The following FBN1 variants were observed in gnomAD, a reference collection of about 807,000 sequenced individuals.
FBN1 encodes fibrillin-1.
In FBN1, 29 loss-of-function variants were observed where a neutral mutation model predicts 365.1. The observed-to-expected ratio is 0.08, with a 90% CI of 0.06 to 0.11. The LOEUF is 0.11. Ranked by LOEUF, FBN1 falls within the 10% of genes least tolerant of loss-of-function variation. The pLI is 1.00. For missense variants in FBN1, 2,476 were observed against 3,703.2 expected (o/e 0.67, Z 8.60); for synonymous variants, 1,210 against 1,270.5 (o/e 0.95, Z 1.01).
At position 48,432,875 on chromosome 15, in the gene FBN1, T is replaced by A; in HGVS notation, c.6730A>T (p.Met2244Leu). Residue 2244 changes from methionine (M) to leucine (L), a missense_variant, in exon 55 of 66, where the codon ATG (methionine) becomes TTG (leucine). Transcript: ENST00000316623. ...GAACACGATGACTCACCTTTGCACATCCTACGGTCTTCTCTGAGCACATAT... is the reference window on the plus strand; with the variant it reads ...GAACACGATGACTCACCTTTGCACAACCTACGGTCTTCTCTGAGCACATAT... ...VGYVLREDRR[M>L]CKDEDECEEG... The A allele has an allele frequency of 1.2e-6, 2 of 1,613,614 alleles. No individual in the cohort carries two copies. Among genetic ancestry groups the A allele is most frequent in the Non-Finnish European group, 1.7e-6 (2 of 1,179,618 alleles).
Position 48,537,681 on chromosome 15 carries a change from C to A in FBN1, c.666G>T (p.Glu222Asp). 8 of 1,614,218 alleles carry A rather than the reference C, an allele frequency of 5.0e-6. No individual in the cohort carries two copies. Among genetic ancestry groups the A allele is most frequent in the Non-Finnish European group, 6.8e-6 (8 of 1,180,034 alleles). ...TVGRAWGHPC[E>D]MCPAQPHPCR... is the part of the protein sequence containing the mutation. Reference sequence around the variant, plus strand: ...AGGGGTGAGGCTGGGCAGGACACATCTCACAGGGGTGGCCCCAGGCTCGGC... The same window carrying A: ...AGGGGTGAGGCTGGGCAGGACACATATCACAGGGGTGGCCCCAGGCTCGGC... Residue 222 changes from glutamate (E) to aspartate (D), a missense_variant, in exon 7 of 66, where the codon GAG (glutamate) becomes GAT (aspartate). Physicochemically the swap from Glu to Asp is conservative, Grantham distance 45. This residue lies in a region of FBN1 where 421 missense variants were observed against 520.1 expected (regional missense o/e 0.81). Transcript: ENST00000316623.
intron 63 of FBN1, among the ~76,000 whole-genome samples, chr15:48,416,489 C>A (rs1331626023): frequency 6.6e-6 from 1 of 152,128 alleles, no homozygotes; most frequent in African/African-American, 2.4e-5. Flanking sequence ...GTGTCTGAGC[C>A]CTGTCTAAAA....
At chr15:48,516,433 T>C (rs538510465) in intron 10 of FBN1, 71 bp from the exon 11 acceptor site, 4 of 1,457,292 alleles carry the variant, frequency 2.7e-6, no homozygotes, top group South Asian at 2.3e-5. Context: ...ACAGAAGTCA[T>C]CCTTATTTTT....
intron 2 of FBN1, among the ~76,000 whole-genome samples, chr15:48,613,504 A>T (rs568058261): frequency 5.9e-5 from 9 of 152,184 alleles, no homozygotes; most frequent in East Asian, 3.9e-4. Flanking sequence ...ATATATATAT[A>T]TTTTCCTACG....
Position 48,427,547 on chromosome 15 carries a change from T to C in FBN1, c.7204+20A>G, listed in dbSNP as rs752123090. On this transcript the variant is annotated intron_variant, in intron 58 of 65. Transcript: ENST00000316623. ...ATAAATAGATTCCCTGCAAGTATTT[T>C]TGGACTATAAATGAAGTACCTGCTC... 2.7e-5 allele frequency: 44 copies of C among 1,607,766 alleles called. No homozygotes were observed. The highest frequency in any genetic ancestry group is 3.6e-5 in the Non-Finnish European group (42 of 1,174,532).
chr15:48,530,860 T>C (rs550193061), intron 8 of FBN1, among the ~76,000 whole-genome samples: 10 of 152,354 alleles, frequency 6.6e-5, no homozygotes, highest in Middle Eastern at 3.4e-3. Context: ...AGTGCTATTA[T>C]AATTGCTAAA....
chr15:48,605,107 T>G (rs2140725886), intron 4 of FBN1, among the ~76,000 whole-genome samples: 1 of 152,340 alleles, frequency 6.6e-6, no homozygotes, highest in Non-Finnish European at 1.5e-5. Context: ...ACAGGTTTGA[T>G]GCAATTCCTA....
At chr15:48,567,689 T>G (rs1212025010) in intron 6 of FBN1, among the ~76,000 whole-genome samples, 1 of 152,112 alleles carries the variant, frequency 6.6e-6, no homozygotes, top group Admixed American at 6.6e-5. Context: ...TACACCATAT[T>G]AATAGAATAA....
At chr15:48,425,562 C>G in intron 59 of FBN1, 71 bp from the exon 60 acceptor site, 3 of 1,603,608 alleles carry the variant, frequency 1.9e-6, no homozygotes, top group South Asian at 1.1e-5. Flanking sequence ...TCCACAGGGT[C>G]TAACGAAGAA....
Position 48,505,282 on chromosome 15 carries a change from A to T in FBN1, c.1838-135T>A, listed in dbSNP as rs1451175540. ...TGCAGCATCAGCAACAAAAGCTCAA[A>T]TGGCATTCTCATTTTCCTTTGAAAG... On this transcript the variant is annotated intron_variant, in intron 15 of 65. Coordinates refer to ENST00000316623, the MANE Select transcript of FBN1 (RefSeq NM_000138.5). The T allele has an allele frequency of 3.3e-5, 33 of 1,008,756 alleles. 1 individual carries two copies. Among genetic ancestry groups the T allele is most frequent in the Non-Finnish European group, 4.7e-5 (31 of 661,574 alleles). The allele number at this position is 1,008,756 out of a possible 1,614,324, so 62.5% of individuals were successfully genotyped here. A position where few individuals can be genotyped will look rare whatever the true frequency, so the allele number is the denominator to read the frequency against.
intron 2 of FBN1, among the ~76,000 whole-genome samples, chr15:48,625,130 CA>C (rs1889851451): frequency 6.6e-6 from 1 of 152,142 alleles, no homozygotes; most frequent in Admixed American, 6.5e-5. Context: ...CCCCAATTGA[CA>C]AACAGGTAGA....
chr15:48,461,590 T>C (rs1566902911), intron 42 of FBN1, among the ~76,000 whole-genome samples: 1 of 152,182 alleles, frequency 6.6e-6, no homozygotes, highest in Non-Finnish European at 1.5e-5. Flanking sequence ...GACTTTTACA[T>C]ATAAATGCAC....
At chr15:48,503,966 A>C in intron 16 of FBN1, 27 bp from the exon 17 acceptor site, 3 of 1,613,670 alleles carry the variant, frequency 1.9e-6, no homozygotes, top group Non-Finnish European at 2.5e-6. Context: ...ATCTGTCATC[A>C]CACTGTCACT....
At chr15:48,432,641 G>A (rs2043032321) in intron 55 of FBN1, among the ~76,000 whole-genome samples, 1 of 152,106 alleles carries the variant, frequency 6.6e-6, no homozygotes, top group African/African-American at 2.4e-5. Context: ...AGCATGCGAT[G>A]CACAGTGAGA....
chr15:48,630,849 C>T (rs1799945460), intron 2 of FBN1, among the ~76,000 whole-genome samples: 1 of 151,964 alleles, frequency 6.6e-6, no homozygotes, highest in South Asian at 2.1e-4. Flanking sequence ...ATTTACCCCA[C>T]GGGGATGAGA....
intron 6 of FBN1, among the ~76,000 whole-genome samples, chr15:48,568,010 A>AAAGG (rs2140666157): frequency 9.7e-6 from 1 of 103,444 alleles, no homozygotes; most frequent in African/African-American, 4.8e-5. Context: ...AGAAAGAAAG[A>AAAGG]AAGAAAGAAA....
chr15:48,629,993 C>G (rs994033111), intron 2 of FBN1, among the ~76,000 whole-genome samples: 2 of 152,180 alleles, frequency 1.3e-5, no homozygotes, highest in Non-Finnish European at 2.9e-5. Flanking sequence ...AAATCAGTGG[C>G]AAGAACTAAC....
chr15:48,539,781 CTGTT>C (rs1433546655), intron 6 of FBN1, among the ~76,000 whole-genome samples: 1 of 151,638 alleles, frequency 6.6e-6, no homozygotes, highest in African/African-American at 2.4e-5. Flanking sequence ...GACACTTTCT[CTGTT>C]TATCATTTGT....
intron 6 of FBN1, among the ~76,000 whole-genome samples, chr15:48,572,609 TA>T (rs1188095923): frequency 6.6e-6 from 1 of 151,748 alleles, no homozygotes; most frequent in Non-Finnish European, 1.5e-5. Context: ...ACGGCATTTT[TA>T]AAAAAATCTT....
Sources: allele counts gnomAD v4.1 joint callset (sites outside exome capture counted in the v4.1 genomes callset), GRCh38; gene constraint gnomAD v4.1.1; regional missense constraint gnomAD v4.1.1; transcripts MANE v1.5; gene names NCBI Gene and HGNC (gene_info 2026-07-23, HGNC 2026-07-21).